Variants in EPHB1 observed in about 807,000 individuals in gnomAD.
EPHB1 encodes the protein EPH receptor B1.
Under a neutral mutation model 94.4 loss-of-function variants are expected in EPHB1, and 30 were observed. The ratio of observed to expected loss-of-function variants is 0.32; its 90% confidence interval spans 0.24 to 0.43. The LOEUF is 0.43. Among genes scored for constraint, EPHB1 ranks in the 20% least tolerant of loss-of-function variants. The probability of loss-of-function intolerance (pLI) is 1.00; values close to 1 mark genes in which losing one functional copy is unlikely to be tolerated. For synonymous variants in EPHB1, 522 were observed against 489.1 expected, an observed-to-expected ratio of 1.07 and a Z score of -0.89; for missense variants, 1,055 against 1,308.3, an observed-to-expected ratio of 0.81 and a Z score of 2.99.
At chr3:134,915,040 T>C (rs1465941289) in intron 1 of EPHB1, among the ~76,000 whole-genome samples, 1 of 152,150 alleles carries the variant, frequency 6.6e-6, no homozygotes, top group African/African-American at 2.4e-5. Context: ...TGGGTATCTT[T>C]GGAGGAAGCA....
At chr3:135,015,263 T>A (rs1329056778) in intron 3 of EPHB1, among the ~76,000 whole-genome samples, 3 of 151,182 alleles carry the variant, frequency 2.0e-5, no homozygotes, top group Non-Finnish European at 2.9e-5. Context: ...TTTTTTGAGA[T>A]GGAGTTTTGC....
intron 4 of EPHB1, among the ~76,000 whole-genome samples, chr3:135,132,209 G>A (rs1940443806): frequency 6.6e-6 from 1 of 152,136 alleles, no homozygotes; most frequent in Non-Finnish European, 1.5e-5. Context: ...CTACAGAGAT[G>A]CATCCCTGCT....
chr3:134,986,493 G>C (rs997532910), intron 3 of EPHB1, among the ~76,000 whole-genome samples: 5 of 152,232 alleles, frequency 3.3e-5, no homozygotes, highest in African/African-American at 1.2e-4. Flanking sequence ...TTAGCTTGAG[G>C]GGCCAACTCA....
chr3:135,175,573 A>G (rs1941956380), intron 9 of EPHB1, among the ~76,000 whole-genome samples: 1 of 152,178 alleles, frequency 6.6e-6, no homozygotes, highest in Non-Finnish European at 1.5e-5. Flanking sequence ...CTCTCTTTTG[A>G]GGTACTAATA....
At chr3:135,025,353 C>T (rs1471086168) in intron 3 of EPHB1, among the ~76,000 whole-genome samples, 1 of 67,546 alleles carries the variant, frequency 1.5e-5, no homozygotes, top group Non-Finnish European at 2.8e-5. Flanking sequence ...CAATGCTATC[C>T]CTCCCCCCTC....
intron 3 of EPHB1, among the ~76,000 whole-genome samples, chr3:135,078,133 T>A (rs1938013075): frequency 6.6e-6 from 1 of 152,156 alleles, no homozygotes; most frequent in Non-Finnish European, 1.5e-5. Context: ...AGGTTCCTGC[T>A]CAAGGGTAGA....
Position 135,259,205 on chromosome 3 carries a change from G to A in EPHB1, c.*85G>A, listed in dbSNP as rs1181578446. On this transcript the variant is annotated 3_prime_UTR_variant, in exon 16 of 16. Coordinates refer to ENST00000398015, the MANE Select transcript of EPHB1 (RefSeq NM_004441.5). Reference sequence around the variant, plus strand: ...AGGTTGACCACTGTGGAATGTACTGGAGAGACTGGCTTCTCAGCTGAGGAA... The same window carrying A: ...AGGTTGACCACTGTGGAATGTACTGAAGAGACTGGCTTCTCAGCTGAGGAA... The A allele has an allele frequency of 1.9e-6, 2 of 1,056,802 alleles. No individual in the cohort carries two copies. The highest frequency in any genetic ancestry group is 1.4e-5 in the South Asian group (1 of 69,094). 65.5% of individuals were successfully genotyped at this position (1,056,802 alleles called of 1,614,324 possible).
At chr3:135,237,151 C>T (rs947418626) in intron 12 of EPHB1, among the ~76,000 whole-genome samples, 18 of 152,006 alleles carry the variant, frequency 1.2e-4, no homozygotes, top group African/African-American at 4.1e-4. Flanking sequence ...GCCTCTACAC[C>T]AAGAGCTTCT....
intron 3 of EPHB1, among the ~76,000 whole-genome samples, chr3:135,099,658 G>A (rs1938960433): frequency 6.6e-6 from 1 of 152,204 alleles, no homozygotes; most frequent in Non-Finnish European, 1.5e-5. Context: ...AAGTAATGGA[G>A]ACATTTGGCC....
intron 5 of EPHB1, among the ~76,000 whole-genome samples, chr3:135,135,930 A>C (rs1282081584): frequency 6.6e-6 from 1 of 152,206 alleles, no homozygotes; most frequent in Non-Finnish European, 1.5e-5. Flanking sequence ...GTTTCTTTTG[A>C]GTTCACAAAG....
chr3:135,248,439 A>G lies in EPHB1; in HGVS notation c.2620A>G (p.Ile874Val), dbSNP rs1271751070. The change falls in exon 14 of 16, where the codon ATT becomes GTT. Residue 874 changes from isoleucine (I) to valine (V), a missense_variant. Ile to Val is a conservative substitution (Grantham distance 29). Coordinates refer to ENST00000398015, the MANE Select transcript of EPHB1 (RefSeq NM_004441.5). ...DRNSRPRFAE[I>V]VNTLDKMIRN... ...GAACAGCCGGCCCCGGTTTGCGGAG[A>G]TTGTCAACACCCTAGATAAGATGAT... is the stretch of plus-strand genomic sequence containing the variant. 2 of 1,613,792 alleles carry G rather than the reference A, an allele frequency of 1.2e-6. No individual in the cohort carries two copies. Among genetic ancestry groups the G allele is most frequent in the East Asian group, 2.2e-5 (1 of 44,850 alleles).
intron 3 of EPHB1, among the ~76,000 whole-genome samples, chr3:135,070,184 G>A (rs1937657873): frequency 6.6e-6 from 1 of 152,170 alleles, no homozygotes; most frequent in South Asian, 2.1e-4. Flanking sequence ...TATCCAACCT[G>A]ATACACAGAG....
At chr3:135,030,928 C>A (rs1218379706) in intron 3 of EPHB1, among the ~76,000 whole-genome samples, 10 of 152,154 alleles carry the variant, frequency 6.6e-5, no homozygotes, top group Admixed American at 5.9e-4. Flanking sequence ...TCTCGTGGTG[C>A]GCCATTTTTT....
At chr3:135,150,240 C>T (rs936032757) in intron 5 of EPHB1, among the ~76,000 whole-genome samples, 9 of 152,214 alleles carry the variant, frequency 5.9e-5, no homozygotes, top group African/African-American at 1.9e-4. Flanking sequence ...ATGAAACTGA[C>T]GTGATTCACA....
chr3:135,052,194 A>G (rs1412002827), intron 3 of EPHB1, among the ~76,000 whole-genome samples: 3 of 152,200 alleles, frequency 2.0e-5, no homozygotes, highest in Admixed American at 1.3e-4. Context: ...GGAGTTATAT[A>G]AAGAGATATG....
intron 6 of EPHB1, 54 bp from the exon 7 acceptor site, chr3:135,161,964 G>A: frequency 1.3e-6 from 2 of 1,553,400 alleles, no homozygotes; most frequent in Non-Finnish European, 1.7e-6. Flanking sequence ...GGAGTGGGCT[G>A]GGGGTGTAGC....
At chr3:134,944,891 G>A (rs1433960245) in intron 2 of EPHB1, among the ~76,000 whole-genome samples, 1 of 152,326 alleles carries the variant, frequency 6.6e-6, no homozygotes, top group African/African-American at 2.4e-5. Context: ...CCATTTGTGT[G>A]TCAGAATTCT....
At chr3:134,926,474 A>G (rs2107702580) in intron 2 of EPHB1, among the ~76,000 whole-genome samples, 1 of 152,358 alleles carries the variant, frequency 6.6e-6, no homozygotes. Flanking sequence ...ACAAGGTGTG[A>G]GCAAGCTGGG....
chr3:135,251,370 C>G (rs1195881468), intron 15 of EPHB1, among the ~76,000 whole-genome samples: 2 of 152,168 alleles, frequency 1.3e-5, no homozygotes. Flanking sequence ...ACTGGCTACT[C>G]CCATTTTCCC....
Sources: allele counts gnomAD v4.1 joint callset (sites outside exome capture counted in the v4.1 genomes callset), GRCh38; gene constraint gnomAD v4.1.1; transcripts MANE v1.5; gene names NCBI Gene and HGNC (gene_info 2026-07-23, HGNC 2026-07-21).